Variants in AGER observed in about 807,000 individuals in gnomAD.
AGER encodes the protein advanced glycation end product-specific receptor.
In AGER, 46 loss-of-function variants were observed where a neutral mutation model predicts 48.8. The ratio of observed to expected loss-of-function variants is 0.94; its 90% CI spans 0.74 to 1.20. AGER has a LOEUF of 1.20. AGER is among the 50% of genes most tolerant of loss of function. AGER has a pLI of 0.00. For synonymous variants in AGER, 170 were observed against 199.9 expected (o/e 0.85, Z 1.26); for missense variants, 489 against 515.0 (o/e 0.95, Z 0.49).
At chr6:32,183,504 G>A (rs1233527104) in intron 3 of AGER, 51 bp downstream of exon 3, 1 of 1,612,014 alleles carries the variant, frequency 6.2e-7, no homozygotes, top group South Asian at 1.1e-5. Flanking sequence ...GGGGTTGAAG[G>A]CTTTTTCTTA....
At position 32,181,664 on chromosome 6, in the gene AGER, G is replaced by A; in HGVS notation, c.965-32C>T. 1 of 1,610,240 alleles carries A rather than the reference G, an allele frequency of 6.2e-7. No homozygotes were observed. The highest frequency in any genetic ancestry group is 8.5e-7 in the Non-Finnish European group (1 of 1,177,944). On this transcript the variant is annotated intron_variant, in intron 8 of 10. Coordinates refer to ENST00000375076, the MANE Select transcript of AGER (RefSeq NM_001136.5). This position sits in a 1 kb window ranked among gnomAD's most constrained non-coding sequence, Gnocchi z 4.1. Reference sequence around the variant, plus strand: ...GACAAAGTTGGATCCAGTCAGAAAGGAAGACTTCGGGTTGAGAGAGGGTTA... The same window carrying A: ...GACAAAGTTGGATCCAGTCAGAAAGAAAGACTTCGGGTTGAGAGAGGGTTA...
Position 32,182,644 on chromosome 6 carries a change from A to G in AGER, c.746T>C (p.Val249Ala), listed in dbSNP as rs1466119818. The G allele has an allele frequency of 6.2e-7, 1 of 1,612,816 alleles. No homozygotes were observed. Among genetic ancestry groups the G allele is most frequent in the Admixed American group, 1.7e-5 (1 of 60,004 alleles). Residue 249 changes from valine to alanine, a missense_variant, in exon 7 of 11, where the codon GTA becomes GCA. Physicochemically the swap from Val to Ala is moderately conservative, Grantham distance 64. Transcript: ENST00000375076. The surrounding 1 kb of genome is among the most constrained non-coding windows in gnomAD (Gnocchi z 5.1). ...CAGGGTTACGGTTCCACCAGGAGCT[A>G]CTGCTCCACCTTCTGGCTCCACCAC... is the stretch of plus-strand genomic sequence containing the variant. ...QLVVEPEGGA[V>A]APGGTVTLTC...
In AGER at chr6:32,182,199, T is replaced by C; in HGVS notation, c.964+48A>G. ...GGGCAGGAAATTAGAGCCTGTGCTG[T>C]CCTGCACCCTAGTCCCAGGGTCTGT... On this transcript the variant is annotated intron_variant, in intron 8 of 10. Coordinates refer to ENST00000375076, the MANE Select transcript of AGER (RefSeq NM_001136.5). The surrounding 1 kb of genome is among the most constrained non-coding windows in gnomAD (Gnocchi z 5.1). 1 of 1,611,754 alleles carries C rather than the reference T, an allele frequency of 6.2e-7. No individual in the cohort carries two copies. The highest frequency in any genetic ancestry group is 8.5e-7 in the Non-Finnish European group (1 of 1,179,630).
chr6:32,181,609 C>CAGTT lies in AGER; in HGVS notation c.984_987dup (p.Ala330AsnfsTer67). On this transcript the variant is annotated frameshift_variant, in exon 9 of 11. Transcript: ENST00000375076. LOFTEE classifies it high-confidence loss of function. The surrounding 1 kb of genome is among the most constrained non-coding windows in gnomAD (Gnocchi z 4.1). ...CTGACTTTATCAAACCCCTCACCTG[C>CAGTT]AGTTGGCCCCTCCTCGCCTGGTTCT... The CAGTT allele has an allele frequency of 6.2e-7, 1 of 1,613,144 alleles. No homozygotes were observed. The highest frequency in any genetic ancestry group is 8.5e-7 in the Non-Finnish European group (1 of 1,180,046).
In AGER at chr6:32,181,763, G is replaced by T; in HGVS notation, c.965-131C>A. On this transcript the variant is annotated intron_variant, in intron 8 of 10. Coordinates refer to ENST00000375076, the MANE Select transcript of AGER (RefSeq NM_001136.5). This position sits in a 1 kb window ranked among gnomAD's most constrained non-coding sequence, Gnocchi z 4.1. ...ATGGAGTTTCACTTTTGTTGCCCAG[G>T]CTGGCATGCAATGGTGCGATCTTGG... 1 of 982,994 alleles carries T rather than the reference G, an allele frequency of 1.0e-6. No individual in the cohort carries two copies. The highest frequency in any genetic ancestry group is 1.5e-6 in the Non-Finnish European group (1 of 663,232). The allele number at this position is 982,994 out of a possible 1,614,324, so 60.9% of individuals were successfully genotyped here.
At position 32,182,800 on chromosome 6, in the gene AGER, C is replaced by A; in HGVS notation, c.691+41G>T. On this transcript the variant is annotated intron_variant, in intron 6 of 10. Coordinates refer to ENST00000375076, the MANE Select transcript of AGER (RefSeq NM_001136.5). This position sits in a 1 kb window ranked among gnomAD's most constrained non-coding sequence, Gnocchi z 5.1. ...TTCCCTAAGGGTCAGACTTCCAGAA[C>A]GTGCTCACGTGAGCTTGGGGCCCTC... 3.1e-6 allele frequency: 5 copies of A among 1,612,660 alleles called. No individual in the cohort carries two copies. Among genetic ancestry groups the A allele is most frequent in the Non-Finnish European group, 4.2e-6 (5 of 1,179,972 alleles).
In AGER at chr6:32,181,296, C is replaced by G; in HGVS notation, c.1118+55G>C. ...GTTGTCGTTCCACCCCCCGACCCCT[C>G]TTCGCTTGCTGCCTGGAAGCCCTAG... On this transcript the variant is annotated intron_variant, in intron 10 of 10. Transcript: ENST00000375076. The surrounding 1 kb of genome is among the most constrained non-coding windows in gnomAD (Gnocchi z 4.1). 6.2e-7 allele frequency: 1 copy of G among 1,613,786 alleles called. No homozygotes were observed. Among genetic ancestry groups the G allele is most frequent in the Non-Finnish European group, 8.5e-7 (1 of 1,180,044 alleles).
Position 32,182,030 on chromosome 6 carries a change from G to A in AGER, c.964+217C>T. 2.6e-6 allele frequency: 2 copies of A among 772,990 alleles called. No individual in the cohort carries two copies. Among genetic ancestry groups the A allele is most frequent in the Non-Finnish European group, 4.4e-6 (2 of 453,630 alleles). The allele number at this position is 772,990 out of a possible 1,614,324, so 47.9% of individuals were successfully genotyped here. A position where few individuals can be genotyped will look rare whatever the true frequency, so the allele number is the denominator to read the frequency against. ...TTACAGGCGTGAGCCACCGCGCCCA[G>A]CCGTCTGTTCCTTTTTTTAGCTCAG... On this transcript the variant is annotated intron_variant, in intron 8 of 10. Coordinates refer to ENST00000375076, the MANE Select transcript of AGER (RefSeq NM_001136.5). This position sits in a 1 kb window ranked among gnomAD's most constrained non-coding sequence, Gnocchi z 5.1.
rs1473326707 is a variant in AGER, at chr6:32,183,803, G to A, written c.160-53C>T. 5 of 1,611,350 alleles carry A rather than the reference G, an allele frequency of 3.1e-6. No homozygotes were observed. In the East Asian group the frequency reaches 1.1e-4, roughly 36 times the overall value. ...AGTGCAAGGCCTTTGGGAAAGGACT[G>A]TGAGGCAGAGTGACGGGGATCCAAA... On this transcript the variant is annotated intron_variant, in intron 2 of 10. Coordinates refer to ENST00000375076, the MANE Select transcript of AGER (RefSeq NM_001136.5).
Position 32,182,746 on chromosome 6 carries a change from T to C in AGER, c.692-48A>G, listed in dbSNP as rs373123762. The C allele has an allele frequency of 2.5e-4, 396 of 1,612,944 alleles. No homozygotes were observed. Among genetic ancestry groups the C allele is most frequent in the Non-Finnish European group, 2.2e-4 (264 of 1,179,972 alleles). On this transcript the variant is annotated intron_variant, in intron 6 of 10. Transcript: ENST00000375076. This position sits in a 1 kb window ranked among gnomAD's most constrained non-coding sequence, Gnocchi z 5.1. Reference sequence around the variant, plus strand: ...GGTGGAGAGTTACACTTGTGAGTGATCCCAGTGGCCATGGGCTTGACTCCC... The same window carrying C: ...GGTGGAGAGTTACACTTGTGAGTGACCCCAGTGGCCATGGGCTTGACTCCC...
At position 32,180,998 on chromosome 6, in the gene AGER, G is replaced by A; in HGVS notation, c.*145C>T. 1 of 803,690 alleles carries A rather than the reference G, an allele frequency of 1.2e-6. No individual in the cohort carries two copies. Among genetic ancestry groups the A allele is most frequent in the Admixed American group, 2.1e-5 (1 of 47,000 alleles). 49.8% of individuals were successfully genotyped at this position (803,690 alleles called of 1,614,324 possible). On this transcript the variant is annotated 3_prime_UTR_variant, in exon 11 of 11. Transcript: ENST00000375076. ...ATGTGTCAGGTGTTTAATCATCATT[G>A]TGGGGGGCTCTGGTTGTAGAAGAAA...
At position 32,182,519 on chromosome 6, in the gene AGER, C is replaced by A. The variant is rs184003; in HGVS notation, c.822+49G>T. 151,562 of 1,601,932 alleles carry A rather than the reference C, an allele frequency of 0.095. 10,864 individuals carry two copies. The highest frequency in any genetic ancestry group is 0.29 in the South Asian group (26,509 of 90,334). ...CGTTAGCCCTCTGCCCTCCCTGTTG[C>A]TAGTTATGGTTCACCCTACCTCCCA... On this transcript the variant is annotated intron_variant, in intron 7 of 10. Coordinates refer to ENST00000375076, the MANE Select transcript of AGER (RefSeq NM_001136.5). The surrounding 1 kb of genome is among the most constrained non-coding windows in gnomAD (Gnocchi z 5.1).
chr6:32,182,629 G>T lies in AGER; in HGVS notation c.761C>A (p.Thr254Asn). The change falls in exon 7 of 11, where the codon ACC becomes AAC. Residue 254 changes from threonine (T) to asparagine (N), a missense_variant. Coordinates refer to ENST00000375076, the MANE Select transcript of AGER (RefSeq NM_001136.5). The surrounding 1 kb of genome is among the most constrained non-coding windows in gnomAD (Gnocchi z 5.1). ...PEGGAVAPGG[T>N]VTLTCEVPAQ... Reference sequence around the variant, plus strand: ...AGGGACTTCACAGGTCAGGGTTACGGTTCCACCAGGAGCTACTGCTCCACC... The same window carrying T: ...AGGGACTTCACAGGTCAGGGTTACGTTTCCACCAGGAGCTACTGCTCCACC... 6.2e-7 allele frequency: 1 copy of T among 1,613,058 alleles called. No homozygotes were observed. Among genetic ancestry groups the T allele is most frequent in the South Asian group, 1.1e-5 (1 of 91,078 alleles).
chr6:32,182,269 A>T lies in AGER; in HGVS notation c.942T>A (p.Arg314=). The change falls in exon 8 of 11, where the codon CGT becomes CGA. Residue 314 remains arginine (R), a synonymous_variant. Transcript: ENST00000375076. The surrounding 1 kb of genome is among the most constrained non-coding windows in gnomAD (Gnocchi z 5.1). ...THSSHGPQES[R]AVSISIIEPG... Reference sequence around the variant, plus strand: ...CACCGATGATGCTGATGCTGACAGCACGGCTTTCCTGGGGCCCGTGGCTGG... The same window carrying T: ...CACCGATGATGCTGATGCTGACAGCTCGGCTTTCCTGGGGCCCGTGGCTGG... The T allele has an allele frequency of 1.9e-6, 3 of 1,612,828 alleles. No homozygotes were observed.
Position 32,181,718 on chromosome 6 carries a change from C to T in AGER, c.965-86G>A, listed in dbSNP as rs1786257040. 5 of 1,388,596 alleles carry T rather than the reference C, an allele frequency of 3.6e-6. No homozygotes were observed. The East Asian group carries it at 1.1e-4, about 32-fold the overall frequency. 86.0% of individuals were successfully genotyped at this position (1,388,596 alleles called of 1,614,324 possible). On this transcript the variant is annotated intron_variant, in intron 8 of 10. Transcript: ENST00000375076. The surrounding 1 kb of genome is among the most constrained non-coding windows in gnomAD (Gnocchi z 4.1). The stretch of plus-strand genomic sequence containing the variant: ...AGTGGGAGCCCCAGTGGAGTCTTTC[C>T]CTTTCTTTTTTTTTTTGAGATGGAG...
Position 32,182,234 on chromosome 6 carries a change from G to C in AGER, c.964+13C>G. 6.2e-7 allele frequency: 1 copy of C among 1,612,756 alleles called. No homozygotes were observed. Among genetic ancestry groups the C allele is most frequent in the Non-Finnish European group, 8.5e-7 (1 of 1,180,012 alleles). The stretch of plus-strand genomic sequence containing the variant: ...TAGTCCCAGGGTCTGTAGGGCTTGG[G>C]GAGAGGTCTCACCGATGATGCTGAT... On this transcript the variant is annotated intron_variant, in intron 8 of 10. Coordinates refer to ENST00000375076, the MANE Select transcript of AGER (RefSeq NM_001136.5). The surrounding 1 kb of genome is among the most constrained non-coding windows in gnomAD (Gnocchi z 5.1).
In AGER at chr6:32,182,392, G is replaced by A. The variant is rs1457223028; in HGVS notation, c.823-4C>T. 5 of 1,609,544 alleles carry A rather than the reference G, an allele frequency of 3.1e-6. No individual in the cohort carries two copies. Among genetic ancestry groups the A allele is most frequent in the African/African-American group, 2.7e-5 (2 of 74,792 alleles). ...GGGGAAGGGGCAAGGGCACACCCTG[G>A]TGGGGGAAGGGGAGAGGAGACTATT... is the stretch of plus-strand genomic sequence containing the variant. On this transcript the variant is annotated splice_region_variant and splice_polypyrimidine_tract_variant and intron_variant, in intron 7 of 10. Coordinates refer to ENST00000375076, the MANE Select transcript of AGER (RefSeq NM_001136.5). The surrounding 1 kb of genome is among the most constrained non-coding windows in gnomAD (Gnocchi z 5.1).
rs1346913561 is a variant in AGER at position 32,183,359 on chromosome 6, A to G, written c.385T>C (p.Ser129Pro). The G allele has an allele frequency of 6.2e-7, 1 of 1,613,142 alleles. No homozygotes were observed. Among genetic ancestry groups the G allele is most frequent in the Admixed American group, 1.7e-5 (1 of 60,032 alleles). Residue 129 changes from serine (S) to proline (P), a missense_variant, in exon 4 of 11, where the codon TCT (serine) becomes CCT (proline). Ser to Pro is a moderately conservative substitution (Grantham distance 74). Coordinates refer to ENST00000375076, the MANE Select transcript of AGER (RefSeq NM_001136.5). ...QIPGKPEIVD[S>P]ASELTAGVPN... is the part of the protein sequence containing the mutation. ...ACACCAGCCGTGAGTTCAGAGGCAG[A>G]ATCTACAATTTCTGGCTTCCCAGGA...
rs746666846 is a variant in AGER, at chr6:32,182,570, C to T, written c.820G>A (p.Asp274Asn). 4 of 1,613,088 alleles carry T rather than the reference C, an allele frequency of 2.5e-6. No homozygotes were observed. The highest frequency in any genetic ancestry group is 2.2e-5 in the East Asian group (1 of 44,888). Residue 274 changes from aspartate to asparagine, a missense_variant and splice_region_variant, in exon 7 of 11, where the codon GAT (aspartate) becomes AAT (asparagine). By Grantham distance (23) the Asp-to-Asn change is conservative. Transcript: ENST00000375076. The surrounding 1 kb of genome is among the most constrained non-coding windows in gnomAD (Gnocchi z 5.1). ...GCCCCTCTCTCCAGGTCACTCACAT[C>T]CTTCATCCAGTGGATTTGAGGAGAG... The part of the protein sequence containing the change: ...QPSPQIHWMK[D>N]GVPLPLPPSP...
Sources: gnomAD v4.1 joint callset for allele counts on GRCh38, gnomAD v4.1.1 for gene constraint, Gnocchi (gnomAD v3.1) non-coding constraint, MANE v1.5 for transcripts, NCBI Gene and HGNC (gene_info 2026-07-23, HGNC 2026-07-21) for gene names.